Variants in TNS1 observed in about 807,000 individuals in gnomAD.
The protein encoded by TNS1 is tensin 1.
Under a neutral mutation model 168.6 loss-of-function variants are expected in TNS1, and 62 were observed. The ratio of observed to expected loss-of-function variants is 0.37; its 90% CI spans 0.30 to 0.45. The LOEUF is 0.45. Among genes scored for constraint, TNS1 ranks in the 20% least tolerant of loss-of-function variants. TNS1 has a pLI of 1.00. For synonymous variants in TNS1, 934 were observed against 933.2 expected (o/e 1.00, Z -0.02); for missense variants, 2,240 against 2,339.4 (o/e 0.96, Z 0.88).
intron 4 of TNS1, among the ~76,000 whole-genome samples, chr2:217,909,680 G>A (rs1954136999): frequency 6.6e-6 from 1 of 151,992 alleles, no homozygotes; most frequent in Admixed American, 6.6e-5. Flanking sequence ...ATGCTTCTCC[G>A]AGAACAACCA....
chr2:218,004,670 C>T (rs532770542), upstream of TNS1, among the ~76,000 whole-genome samples: 7 of 152,204 alleles, frequency 4.6e-5, no homozygotes, highest in Non-Finnish European at 1.0e-4. Flanking sequence ...TGTCAATTTC[C>T]AGCCCTTCCT....
intron 3 of TNS1, among the ~76,000 whole-genome samples, chr2:217,950,532 G>A (rs996168505): frequency 1.3e-5 from 2 of 151,716 alleles, no homozygotes; most frequent in African/African-American, 2.4e-5. Context: ...GAGGTGAGGA[G>A]GTCTGGCTGG....
chr2:217,992,790 C>T (rs559737985), intron 1 of TNS1, among the ~76,000 whole-genome samples: 32 of 151,984 alleles, frequency 2.1e-4, no homozygotes, highest in Admixed American at 1.4e-3. Context: ...GACAGAGACA[C>T]GCAGAAACTA....
At chr2:217,898,070 T>C in intron 7 of TNS1, 101 bp from the exon 8 acceptor site, 2 of 1,349,134 alleles carry the variant, frequency 1.5e-6, no homozygotes, top group Non-Finnish European at 2.0e-6. Flanking sequence ...GACCCCCATA[T>C]GCAGCCCAGG....
intron 16 of TNS1, 119 bp from the exon 17 acceptor site, chr2:217,882,530 TAATC>T (rs1364948742): frequency 2.2e-5 from 13 of 588,582 alleles, no homozygotes; most frequent in Non-Finnish European, 3.2e-5. Context: ...AATATAATAA[TAATC>T]AATGTATATT....
intron 6 of TNS1, 77 bp downstream of exon 6, chr2:217,906,258 A>G: frequency 1.5e-6 from 1 of 688,560 alleles, no homozygotes; most frequent in Non-Finnish European, 2.6e-6. Flanking sequence ...ACAAGACATT[A>G]TCCACCTCCC....
At position 217,804,580 on chromosome 2, in the gene TNS1, T is replaced by A; in HGVS notation, c.5399A>T (p.Lys1800Met). ...GGCGTTGTCCGTGGTGCTGCCCTGC[T>A]TCCGGGCCACGAAGCCGAAGAGCCT... ...PAKLFGFVARKQGSTTDNACH... is the reference protein window; with the variant it reads ...PAKLFGFVARMQGSTTDNACH... The change falls in exon 33 of 33, where the codon AAG (lysine) becomes ATG (methionine). Residue 1800 changes from lysine (K) to methionine (M), a missense_variant. By Grantham distance (95) the Lys-to-Met change is moderately conservative. Around this residue, in one of 2 missense-constraint regions of TNS1, gnomAD observed 109 missense variants for 168.1 expected, o/e 0.65. Transcript: ENST00000682258. 6.2e-7 allele frequency: 1 copy of A among 1,614,100 alleles called. No homozygotes were observed. The highest frequency in any genetic ancestry group is 8.5e-7 in the Non-Finnish European group (1 of 1,179,962).
intron 19 of TNS1, among the ~76,000 whole-genome samples, chr2:217,840,372 T>C (rs2552534): frequency 0.058 from 8,789 of 152,250 alleles, 711 homozygotes; most frequent in African/African-American, 0.19. Flanking sequence ...CTCAAATGAA[T>C]TACTGTGACC....
At chr2:218,031,046 ATGTGAGCATATG>A (rs1364616324) in intron 1 of TNS1, among the ~76,000 whole-genome samples, 1 of 148,050 alleles carries the variant, frequency 6.8e-6, no homozygotes, top group Non-Finnish European at 1.5e-5. Context: ...GTGAGTGAGC[ATGTGAGCATATG>A]TGTGAGTGTA....
chr2:217,853,277 G>A (rs1383433432), intron 18 of TNS1, among the ~76,000 whole-genome samples: 2 of 152,194 alleles, frequency 1.3e-5, no homozygotes. Context: ...GGAGGCTGGG[G>A]AGGTGGCTTT....
chr2:217,993,153 G>T (rs180687810), intron 1 of TNS1, among the ~76,000 whole-genome samples: 3 of 152,138 alleles, frequency 2.0e-5, no homozygotes, highest in African/African-American at 7.2e-5. Flanking sequence ...AGGCTGTACC[G>T]TCTGGGTATA....
intron 3 of TNS1, among the ~76,000 whole-genome samples, chr2:217,922,173 AG>A (rs762512190): frequency 2.0e-5 from 3 of 152,260 alleles, no homozygotes; most frequent in East Asian, 1.9e-4. Flanking sequence ...CTGGGCGGGA[AG>A]GGGAGGTCCC....
chr2:217,884,701 T>C (rs1176158092), intron 16 of TNS1, among the ~76,000 whole-genome samples: 1 of 150,358 alleles, frequency 6.7e-6, no homozygotes, highest in African/African-American at 2.5e-5. Flanking sequence ...CCAGTGAATG[T>C]TGAAAAAAAA....
intron 18 of TNS1, chr2:217,850,383 T>A: frequency 2.0e-6 from 2 of 984,970 alleles, no homozygotes; most frequent in Non-Finnish European, 2.4e-6. Context: ...AAACAAGATG[T>A]CTTCATGGGG....
At chr2:217,885,468 T>C (rs1245310930) in intron 15 of TNS1, among the ~76,000 whole-genome samples, 8 of 152,212 alleles carry the variant, frequency 5.3e-5, no homozygotes, top group African/African-American at 1.9e-4. Context: ...GAAGCTAGAA[T>C]TCAGAGAGTC....
Position 217,803,301 on chromosome 2 carries a change from A to G in TNS1, c.*1158T>C, listed in dbSNP as rs1249954304. On this transcript the variant is annotated 3_prime_UTR_variant, in exon 33 of 33. Coordinates refer to ENST00000682258, the MANE Select transcript of TNS1 (RefSeq NM_001387777.1). ...AGAATAGAACAGGGCTGGGCAGAGC[A>G]GCAAGACTCAATCCCCAGCCCCCAA... 1 of 152,336 alleles carries G rather than the reference A, an allele frequency of 6.6e-6. No homozygotes were observed. Among genetic ancestry groups the G allele is most frequent in the East Asian group, 1.9e-4 (1 of 5,200 alleles). 9.4% of individuals were successfully genotyped at this position (152,336 alleles called of 1,614,324 possible).
intron 12 of TNS1, among the ~76,000 whole-genome samples, chr2:217,888,513 T>C (rs1951432166): frequency 1.3e-5 from 2 of 152,232 alleles, no homozygotes; most frequent in Admixed American, 6.5e-5. Flanking sequence ...ATGGTTTGGC[T>C]GCATCCTCAC....
chr2:217,966,536 T>C (rs1957646519), intron 3 of TNS1, among the ~76,000 whole-genome samples: 1 of 152,078 alleles, frequency 6.6e-6, no homozygotes, highest in Non-Finnish European at 1.5e-5. Flanking sequence ...TGAAGAGGCA[T>C]TTCCCAGGGC....
At position 217,940,274 on chromosome 2, in the gene TNS1, T is replaced by C. The variant is rs555743079; in HGVS notation, c.187-20038A>G. ...TCCCTCCACCCATTTCTGATTTGCT[T>C]TATTTGGAGGCTGGTAACTGGGAGG... On this transcript the variant is annotated intron_variant, in intron 3 of 32. Transcript: ENST00000682258. 3.0e-4 allele frequency among the ~76,000 whole-genome samples: 46 copies of C among 152,300 alleles called. No homozygotes were observed. In the East Asian group the frequency reaches 8.7e-3, roughly 29 times the overall value.
Sources: allele counts gnomAD v4.1 joint callset (sites outside exome capture counted in the v4.1 genomes callset), GRCh38; gene constraint gnomAD v4.1.1; regional missense constraint gnomAD v4.1.1; transcripts MANE v1.5; gene names NCBI Gene and HGNC (gene_info 2026-07-23, HGNC 2026-07-21).